Variants in CDIN1 observed in about 807,000 individuals in gnomAD.
CDIN1 encodes CDAN1 interacting nuclease 1.
CDIN1 carries 33 observed loss-of-function variants against 45.3 expected under a neutral mutation model. The ratio of observed to expected loss-of-function variants is 0.73; its 90% CI spans 0.55 to 0.97. The LOEUF (loss-of-function observed/expected upper bound fraction) is 0.97. CDIN1 is among the 50% of genes least tolerant of loss of function. CDIN1 has a pLI of 0.00. For missense variants in CDIN1, 303 were observed against 339.4 expected, an observed-to-expected ratio of 0.89 and a Z score of 0.84; for synonymous variants, 118 against 124.4, an observed-to-expected ratio of 0.95 and a Z score of 0.34.
intron 1 of CDIN1, chr15:36,618,732 T>A: frequency 1.3e-6 from 1 of 771,310 alleles, no homozygotes; most frequent in Admixed American, 1.8e-5. Flanking sequence ...CATGTGCAGC[T>A]GAGCCTACTG....
At chr15:36,742,679 A>C (rs951270230) in intron 10 of CDIN1, among the ~76,000 whole-genome samples, 3 of 152,162 alleles carry the variant, frequency 2.0e-5, no homozygotes, top group Non-Finnish European at 4.4e-5. Flanking sequence ...GTATTTCCAG[A>C]TGCAGGCCAG....
chr15:36,717,656 A>G (rs980662652), intron 10 of CDIN1, among the ~76,000 whole-genome samples: 2 of 152,050 alleles, frequency 1.3e-5, no homozygotes, highest in African/African-American at 2.4e-5. Flanking sequence ...TGATTTCATT[A>G]CTCTTGAGTA....
intron 1 of CDIN1, among the ~76,000 whole-genome samples, chr15:36,587,988 G>A (rs2037387588): frequency 4.1e-5 from 6 of 147,908 alleles, no homozygotes; most frequent in Admixed American, 4.0e-4. Context: ...TTAATGAAAA[G>A]TAAATATGAT....
At chr15:36,738,208 A>G (rs1259302783) in intron 10 of CDIN1, among the ~76,000 whole-genome samples, 1 of 151,822 alleles carries the variant, frequency 6.6e-6, no homozygotes, top group Non-Finnish European at 1.5e-5. Flanking sequence ...TCTATACTGA[A>G]CCTCTCCCTG....
At chr15:36,725,031 G>A (rs937746898) in intron 10 of CDIN1, among the ~76,000 whole-genome samples, 2 of 152,016 alleles carry the variant, frequency 1.3e-5, no homozygotes, top group East Asian at 1.9e-4. Context: ...AAGCTCCATC[G>A]GCAGCCCAAA....
chr15:36,741,040 A>C (rs973954661), intron 10 of CDIN1, among the ~76,000 whole-genome samples: 11 of 152,120 alleles, frequency 7.2e-5, no homozygotes, highest in African/African-American at 2.2e-4. Flanking sequence ...GGGCTCAAGC[A>C]ATCTTCCTAC....
intron 5 of CDIN1, among the ~76,000 whole-genome samples, chr15:36,664,412 A>C (rs897889142): frequency 6.6e-6 from 1 of 152,250 alleles, no homozygotes; most frequent in African/African-American, 2.4e-5. Context: ...CCACAAAATT[A>C]TTAATGATTA....
At chr15:36,636,531 G>A (rs771666844) in intron 1 of CDIN1, among the ~76,000 whole-genome samples, 7 of 152,002 alleles carry the variant, frequency 4.6e-5, no homozygotes, top group South Asian at 2.1e-4. Flanking sequence ...CAGCCTGAGC[G>A]ACAGAGCAAG....
rs187256399 is a variant in CDIN1, at chr15:36,791,149, C to G, written c.717-17175C>G. Among the ~76,000 whole-genome samples, 544 of 152,204 alleles carry G rather than the reference C, an allele frequency of 3.6e-3. 1 individual carries two copies. The highest frequency in any genetic ancestry group is 0.012 in the African/African-American group (517 of 41,514). On this transcript the variant is annotated intron_variant, in intron 10 of 10. Coordinates refer to ENST00000566621, the MANE Select transcript of CDIN1 (RefSeq NM_001321759.2). ...AATGAATCAGTAAAGCAAACAATAG[C>G]AGTATTTTCAAATCATTCAGCCCAT...
At chr15:36,763,262 C>T (rs1438068802) in intron 10 of CDIN1, among the ~76,000 whole-genome samples, 1 of 152,124 alleles carries the variant, frequency 6.6e-6, no homozygotes, top group African/African-American at 2.4e-5. Context: ...AGCATTTTTT[C>T]ATGTGTCTTT....
intron 10 of CDIN1, among the ~76,000 whole-genome samples, chr15:36,767,369 C>T (rs570942633): frequency 2.4e-4 from 36 of 152,282 alleles, no homozygotes; most frequent in Non-Finnish European, 4.9e-4. Flanking sequence ...GAGTTCTAGC[C>T]TGTGGGTAAG....
At chr15:36,784,837 A>G (rs1051079928) in intron 10 of CDIN1, among the ~76,000 whole-genome samples, 2 of 152,100 alleles carry the variant, frequency 1.3e-5, no homozygotes, top group African/African-American at 4.8e-5. Context: ...TTGTTGCACC[A>G]TGGTGCTCTT....
At chr15:36,677,825 G>C (rs1409073625) in intron 5 of CDIN1, among the ~76,000 whole-genome samples, 6 of 152,300 alleles carry the variant, frequency 3.9e-5, no homozygotes, top group East Asian at 1.9e-4. Context: ...TGGAAGTTGT[G>C]TGTGTGAGTG....
At chr15:36,753,523 G>T (rs1171909941) in intron 10 of CDIN1, among the ~76,000 whole-genome samples, 1 of 151,700 alleles carries the variant, frequency 6.6e-6, no homozygotes, top group Non-Finnish European at 1.5e-5. Context: ...ACCTAGCTTG[G>T]AACTCTTCCA....
At chr15:36,597,652 C>T (rs1352249880) in intron 1 of CDIN1, among the ~76,000 whole-genome samples, 2 of 152,130 alleles carry the variant, frequency 1.3e-5, no homozygotes, top group Non-Finnish European at 2.9e-5. Context: ...TCTTTCCTTT[C>T]TGACGGTGCA....
chr15:36,642,073 A>C (rs2040133027), intron 1 of CDIN1: 1 of 152,194 alleles, frequency 6.6e-6, no homozygotes, highest in African/African-American at 2.4e-5. Flanking sequence ...CCTAAAAACG[A>C]TAGCCTTGAG....
chr15:36,689,125 T>TA (rs1243199659), intron 5 of CDIN1, among the ~76,000 whole-genome samples: 1 of 152,090 alleles, frequency 6.6e-6, no homozygotes, highest in African/African-American at 2.4e-5. Context: ...TTCAGACTTT[T>TA]AAAAAAAAGT....
intron 8 of CDIN1, among the ~76,000 whole-genome samples, chr15:36,701,106 A>G (rs937020272): frequency 1.1e-5 from 1 of 88,266 alleles, no homozygotes; most frequent in South Asian, 4.4e-4. Flanking sequence ...AGGTAGATAG[A>G]TAGATAGATA....
chr15:36,583,648 T>C (rs1486312560), intron 1 of CDIN1, among the ~76,000 whole-genome samples: 1 of 152,224 alleles, frequency 6.6e-6, no homozygotes, highest in Non-Finnish European at 1.5e-5. Context: ...AATTTTACCA[T>C]ATGCTAATTG....
Sources: gnomAD v4.1 joint callset for allele counts (sites outside exome capture counted in the v4.1 genomes callset) on GRCh38, gnomAD v4.1.1 for gene constraint, MANE v1.5 for transcripts, NCBI Gene and HGNC (gene_info 2026-07-23, HGNC 2026-07-21) for gene names.